Variants in SHB observed in about 807,000 individuals in gnomAD.
SHB encodes SH2 domain containing adaptor protein B.
SHB carries 20 observed loss-of-function variants against 52.3 expected under a neutral mutation model. The ratio of observed to expected loss-of-function variants is 0.38; its 90% CI spans 0.27 to 0.56. The LOEUF is 0.56. Ranked by LOEUF, SHB falls within the 20% of genes least tolerant of loss-of-function variation. The pLI is 0.71. For missense variants in SHB, 825 were observed against 723.3 expected, an observed-to-expected ratio of 1.14 and a Z score of -1.61; for synonymous variants, 397 against 316.5, an observed-to-expected ratio of 1.25 and a Z score of -2.70.
intron 2 of SHB, among the ~76,000 whole-genome samples, chr9:38,002,584 T>G (rs969693562): frequency 1.3e-5 from 2 of 152,150 alleles, no homozygotes; most frequent in African/African-American, 4.8e-5. Context: ...GGGACAGTTG[T>G]GAGAACCCTC....
At chr9:37,964,113 T>C (rs1832723047) in intron 3 of SHB, among the ~76,000 whole-genome samples, 1 of 152,174 alleles carries the variant, frequency 6.6e-6, no homozygotes. Flanking sequence ...AAATGTTTGA[T>C]TTGTATTTCC....
Position 37,953,313 on chromosome 9 carries a change from C to T in SHB, c.1226+2570G>A, listed in dbSNP as rs185367744. ...CTATTTATTCAGCACCTGTTACCTG[C>T]TGGGCACTGTTCTAGGCACAGGGGA... On this transcript the variant is annotated intron_variant, in intron 4 of 5. Coordinates refer to ENST00000377707, the MANE Select transcript of SHB (RefSeq NM_003028.3). 2.5e-3 allele frequency among the ~76,000 whole-genome samples: 385 copies of T among 152,250 alleles called. 3 individuals are homozygous for T. Among genetic ancestry groups the T allele is most frequent in the Non-Finnish European group, 4.4e-3 (297 of 68,018 alleles).
Position 37,948,889 on chromosome 9 carries a change from C to G in SHB, c.1227-135G>C, listed in dbSNP as rs1368679529. The G allele has an allele frequency of 9.9e-6, 11 of 1,107,196 alleles. No homozygotes were observed. The African/African-American group carries it at 1.5e-4, about 16-fold the overall frequency. The allele number at this position is 1,107,196 out of a possible 1,614,324, so 68.6% of individuals were successfully genotyped here. On this transcript the variant is annotated intron_variant, in intron 4 of 5. Coordinates refer to ENST00000377707, the MANE Select transcript of SHB (RefSeq NM_003028.3). ...ATGCACTGGTTCATTCCATGGGTAC[C>G]CACTGCCCGCCTGCTGCTGCCGGGT...
At chr9:37,984,315 G>A (rs1301532153) in intron 2 of SHB, among the ~76,000 whole-genome samples, 1 of 152,146 alleles carries the variant, frequency 6.6e-6, no homozygotes, top group African/African-American at 2.4e-5. Flanking sequence ...CAACCTTTGA[G>A]CCTGTTGCCA....
At position 37,997,007 on chromosome 9, in the gene SHB, T is replaced by C. The variant is rs146323486; in HGVS notation, c.838+19004A>G. Among the ~76,000 whole-genome samples the C allele has an allele frequency of 5.1e-3, 778 of 152,252 alleles. 3 individuals are homozygous for C. Among genetic ancestry groups the C allele is most frequent in the Non-Finnish European group, 8.3e-3 (562 of 68,022 alleles). ...GTCAGGAGGATTTCAATGAGCTCAA[T>C]AGTCTGAGTCAGGGAAATGGGAAGC... On this transcript the variant is annotated intron_variant, in intron 2 of 5. Transcript: ENST00000377707.
intron 1 of SHB, among the ~76,000 whole-genome samples, chr9:38,024,137 C>T (rs1821313420): frequency 6.6e-6 from 1 of 152,262 alleles, no homozygotes; most frequent in East Asian, 1.9e-4. Context: ...CCCCCTCTTG[C>T]ATCATGAAGG....
At chr9:37,995,880 G>A (rs1186541675) in intron 2 of SHB, among the ~76,000 whole-genome samples, 1 of 152,166 alleles carries the variant, frequency 6.6e-6, no homozygotes, top group African/African-American at 2.4e-5. Context: ...GTTGCTCTGA[G>A]ACCCAAATCA....
chr9:38,016,162 C>T (rs903053411), intron 1 of SHB, 31 bp from the exon 2 acceptor site: 2 of 1,612,450 alleles, frequency 1.2e-6, no homozygotes, highest in African/African-American at 2.7e-5. Flanking sequence ...GGTGTGAGTC[C>T]ACCTTTGGCT....
At chr9:38,039,366 T>TAGGCTTGAC (rs1490447721) in intron 1 of SHB, among the ~76,000 whole-genome samples, 1 of 152,208 alleles carries the variant, frequency 6.6e-6, no homozygotes, top group African/African-American at 2.4e-5. Flanking sequence ...AGGCAAGACT[T>TAGGCTTGAC]TAAAGCGCAG....
At chr9:37,964,302 G>A (rs1393742996) in intron 3 of SHB, among the ~76,000 whole-genome samples, 6 of 152,222 alleles carry the variant, frequency 3.9e-5, no homozygotes, top group African/African-American at 9.6e-5. Flanking sequence ...GTGCCAGGAC[G>A]CTGCCTGGGT....
At chr9:38,001,292 A>C (rs1821010402) in intron 2 of SHB, among the ~76,000 whole-genome samples, 1 of 152,202 alleles carries the variant, frequency 6.6e-6, no homozygotes, top group African/African-American at 2.4e-5. Flanking sequence ...GTGTGTTTAC[A>C]TCAGTACTTA....
intron 1 of SHB, among the ~76,000 whole-genome samples, chr9:38,032,197 C>A (rs1395353770): frequency 6.6e-6 from 1 of 152,218 alleles, no homozygotes; most frequent in East Asian, 1.9e-4. Flanking sequence ...ACAAGCCAGG[C>A]TCTTGGCTCT....
At chr9:37,924,015 C>T (rs990180218) in intron 5 of SHB, among the ~76,000 whole-genome samples, 2 of 152,228 alleles carry the variant, frequency 1.3e-5, no homozygotes, top group Non-Finnish European at 2.9e-5. Flanking sequence ...GGCATTGCCC[C>T]CGGGGAGCTT....
At position 38,068,445 on chromosome 9, in the gene SHB, C is replaced by G. The variant is rs758641612; in HGVS notation, c.201G>C (p.Ser67=). 3.2e-6 allele frequency: 5 copies of G among 1,542,808 alleles called. No homozygotes were observed. The highest frequency in any genetic ancestry group is 4.4e-6 in the Non-Finnish European group (5 of 1,149,114). ...TGCCGCTGTCGTCGGGCAGCGAGCC[C>G]GAAGAGGCTGAGAAGCAGGAGGCGG... ...PATASCFSAS[S]GSLPDDSGST... The change falls in exon 1 of 6, where the codon TCG becomes TCC. Residue 67 remains serine (S), a synonymous_variant. Coordinates refer to ENST00000377707, the MANE Select transcript of SHB (RefSeq NM_003028.3).
intron 2 of SHB, among the ~76,000 whole-genome samples, chr9:37,981,810 G>C (rs370675459): frequency 6.6e-6 from 1 of 152,118 alleles, no homozygotes; most frequent in Non-Finnish European, 1.5e-5. Flanking sequence ...CAAGGAGAGG[G>C]GAAGAGATGA....
rs181567096 is a variant in SHB, at chr9:37,940,710, C to T, written c.1346+7925G>A. The stretch of plus-strand genomic sequence containing the variant: ...TCCTCTTTCTGGGCCTCAGTATCTC[C>T]ACTTGTTCAAGATATTGGACCAGAA... On this transcript the variant is annotated intron_variant, in intron 5 of 5. Coordinates refer to ENST00000377707, the MANE Select transcript of SHB (RefSeq NM_003028.3). Among the ~76,000 whole-genome samples, 6 of 152,300 alleles carry T rather than the reference C, an allele frequency of 3.9e-5. No individual in the cohort carries two copies. The East Asian group carries it at 9.7e-4, about 25-fold the overall frequency.
chr9:37,951,004 T>C (rs1832560459), intron 4 of SHB, among the ~76,000 whole-genome samples: 1 of 152,204 alleles, frequency 6.6e-6, no homozygotes, highest in South Asian at 2.1e-4. Flanking sequence ...GGCACTGACA[T>C]TCTCCTCAGA....
chr9:37,986,488 A>C (rs1447772606), intron 2 of SHB, among the ~76,000 whole-genome samples: 2 of 152,162 alleles, frequency 1.3e-5, no homozygotes, highest in Admixed American at 1.3e-4. Flanking sequence ...GTGGACCAGG[A>C]GCCTTCATTG....
Position 37,950,593 on chromosome 9 carries a change from G to T in SHB, c.1227-1839C>A, listed in dbSNP as rs1033028524. On this transcript the variant is annotated intron_variant, in intron 4 of 5. Coordinates refer to ENST00000377707, the MANE Select transcript of SHB (RefSeq NM_003028.3). ...CTCAGCCAGGAGAGGCAGAGGCACG[G>T]GGCGGTACTGTGGTTGGAGTGTGCT... Among the ~76,000 whole-genome samples the T allele has an allele frequency of 3.3e-5, 5 of 152,202 alleles. No individual in the cohort carries two copies. In the South Asian group the frequency reaches 8.3e-4, roughly 25 times the overall value.
Sources: allele counts gnomAD v4.1 joint callset (sites outside exome capture counted in the v4.1 genomes callset), GRCh38; gene constraint gnomAD v4.1.1; transcripts MANE v1.5; gene names NCBI Gene and HGNC (gene_info 2026-07-23, HGNC 2026-07-21).